Variants in METTL25 observed in about 807,000 individuals in gnomAD.
The protein encoded by METTL25 is methyltransferase like 25, also known as probable methyltransferase-like protein 25.
Under a neutral mutation model 71.6 loss-of-function variants are expected in METTL25, and 64 were observed. That is an observed-to-expected ratio of 0.89 (90% CI 0.73 to 1.10). The LOEUF (loss-of-function observed/expected upper bound fraction) is 1.10, where lower values mean the gene tolerates loss of function less well. METTL25 is among the 50% of genes least tolerant of loss of function. METTL25 has a pLI of 0.00. For synonymous variants in METTL25, 287 were observed against 250.3 expected (o/e 1.15, Z -1.38); for missense variants, 807 against 707.0 (o/e 1.14, Z -1.60).
At chr12:82,372,274 C>T (rs560143556) in intron 1 of METTL25, among the ~76,000 whole-genome samples, 1 of 152,232 alleles carries the variant, frequency 6.6e-6, no homozygotes, top group East Asian at 1.9e-4. Context: ...GCCAAATTCC[C>T]TTCCCCCTAC....
intron 1 of METTL25, among the ~76,000 whole-genome samples, chr12:82,360,567 G>A (rs772363884): frequency 1.3e-5 from 2 of 151,888 alleles, no homozygotes; most frequent in Admixed American, 6.6e-5. Flanking sequence ...ACCTCACTGA[G>A]GTGACTCTAA....
intron 5 of METTL25, among the ~76,000 whole-genome samples, chr12:82,430,480 T>C (rs557716762): frequency 1.1e-4 from 16 of 151,798 alleles, no homozygotes; most frequent in African/African-American, 3.9e-4. Context: ...TAGGAATGAA[T>C]TTATATTGTC....
chr12:82,459,021 G>A (rs1592758197), intron 9 of METTL25, among the ~76,000 whole-genome samples: 1 of 152,102 alleles, frequency 6.6e-6, no homozygotes, highest in East Asian at 1.9e-4. Context: ...CTCACACCTT[G>A]CCATCATATC....
intron 5 of METTL25, among the ~76,000 whole-genome samples, chr12:82,420,882 G>A (rs1255451941): frequency 1.3e-5 from 2 of 151,844 alleles, no homozygotes; most frequent in Non-Finnish European, 1.5e-5. Flanking sequence ...TGGAGGTGGA[G>A]TCTCGTTCTG....
chr12:82,381,523 A>G (rs1468876515), intron 1 of METTL25, among the ~76,000 whole-genome samples: 1 of 152,240 alleles, frequency 6.6e-6, no homozygotes, highest in African/African-American at 2.4e-5. Context: ...AGCTTAGGCA[A>G]AATGTTTTCT....
chr12:82,388,325 C>A (rs1000596284), intron 2 of METTL25, among the ~76,000 whole-genome samples: 2 of 151,994 alleles, frequency 1.3e-5, no homozygotes, highest in Admixed American at 1.3e-4. Context: ...TTTTTTAAAT[C>A]TCTCTAACCA....
rs546014926 is a variant in METTL25 at position 82,436,642 on chromosome 12, C to T, written c.1404+1918C>T. 5.3e-5 allele frequency among the ~76,000 whole-genome samples: 8 copies of T among 151,610 alleles called. No homozygotes were observed. The South Asian group carries it at 1.5e-3, about 28-fold the overall frequency. On this transcript the variant is annotated intron_variant, in intron 7 of 11. Transcript: ENST00000248306. Reference sequence around the variant, plus strand: ...TTCTGTTCTGCTGTATTTTTCTGTGCATTCATTTTTTTATGTTATCTTGTT... The same window carrying T: ...TTCTGTTCTGCTGTATTTTTCTGTGTATTCATTTTTTTATGTTATCTTGTT...
Position 82,438,725 on chromosome 12 carries a change from C to G in METTL25, c.1412C>G (p.Thr471Ser). ...TGTCTACATTTTTTTCAGCTGCCTA[C>G]TGAATCACTCTTCTATCGTGCTGTT... ...ERVAAGQGLP[T>S]ESLFYRAVLQ... Residue 471 changes from threonine to serine, a missense_variant, in exon 8 of 12, where the codon ACT becomes AGT. Thr to Ser is a moderately conservative substitution (Grantham distance 58, BLOSUM62 1). Transcript: ENST00000248306. The G allele has an allele frequency of 6.7e-7, 1 of 1,482,962 alleles. No individual in the cohort carries two copies. The highest frequency in any genetic ancestry group is 9.0e-7 in the Non-Finnish European group (1 of 1,110,312). The allele number at this position is 1,482,962 out of a possible 1,614,324, so 91.9% of individuals were successfully genotyped here. A position where few individuals can be genotyped will look rare whatever the true frequency, so the allele number is the denominator to read the frequency against.
rs190574062 is a variant in METTL25, at chr12:82,413,114, T to G, written c.1279+9984T>G. ...CTCTTTTGGCCTTCCTATAAATCAT[T>G]AGTATTTTGTCAAGAATCTGGAGAT... is the stretch of plus-strand genomic sequence containing the variant. On this transcript the variant is annotated intron_variant, in intron 5 of 11. Transcript: ENST00000248306. Among the ~76,000 whole-genome samples the G allele has an allele frequency of 3.9e-5, 6 of 152,178 alleles. No individual in the cohort carries two copies. The East Asian group carries it at 1.2e-3, about 29-fold the overall frequency.
At chr12:82,427,805 AT>A (rs11312540) in intron 5 of METTL25, among the ~76,000 whole-genome samples, 128,732 of 151,836 alleles carry the variant, frequency 0.85, 54,962 homozygotes, top group East Asian at 1. Context: ...TGATATACAG[AT>A]TTTGCTATAT....
rs376861908 is a variant in METTL25 at position 82,358,711 on chromosome 12, A to T, written c.146A>T (p.Glu49Val). The T allele has an allele frequency of 1.4e-5, 23 of 1,613,914 alleles. No individual in the cohort carries two copies. In the African/African-American group the frequency reaches 2.9e-4, roughly 21 times the overall value. Residue 49 changes from glutamate (E) to valine (V), a missense_variant, in exon 1 of 12, where the codon GAG becomes GTG. By Grantham distance (121) the Glu-to-Val change is moderately radical (BLOSUM62 -2). Coordinates refer to ENST00000248306, the MANE Select transcript of METTL25 (RefSeq NM_032230.3). Reference sequence around the variant, plus strand: ...TTCTACACAGAATCCGTGTGGGAGGAGCTGGTCGACTTGCCACCGGAGACA... The same window carrying T: ...TTCTACACAGAATCCGTGTGGGAGGTGCTGGTCGACTTGCCACCGGAGACA... ...VDFYTESVWE[E>V]LVDLPPETVL...
At chr12:82,414,073 T>G (rs577417224) in intron 5 of METTL25, among the ~76,000 whole-genome samples, 88 of 152,210 alleles carry the variant, frequency 5.8e-4, no homozygotes, top group Non-Finnish European at 1.0e-3. Flanking sequence ...TCAGGATCTA[T>G]CTCGGCTTGA....
At chr12:82,435,081 A>G (rs946957941) in intron 7 of METTL25, among the ~76,000 whole-genome samples, 3 of 151,476 alleles carry the variant, frequency 2.0e-5, no homozygotes, top group African/African-American at 7.3e-5. Context: ...CTATAGTCCA[A>G]AACACATACT....
chr12:82,430,268 G>A (rs1262101558), intron 5 of METTL25, among the ~76,000 whole-genome samples: 7 of 150,884 alleles, frequency 4.6e-5, no homozygotes, highest in Non-Finnish European at 8.9e-5. Context: ...GTAACTATAA[G>A]TTGAGCAGTA....
chr12:82,364,891 C>A (rs2136812520), intron 1 of METTL25, among the ~76,000 whole-genome samples: 1 of 152,252 alleles, frequency 6.6e-6, no homozygotes, highest in African/African-American at 2.4e-5. Flanking sequence ...TTGTCTGTAT[C>A]TGCAACTAAA....
At chr12:82,397,410 C>G (rs768632377) in intron 3 of METTL25, among the ~76,000 whole-genome samples, 74 of 152,028 alleles carry the variant, frequency 4.9e-4, no homozygotes, top group Middle Eastern at 3.4e-3. Context: ...GCAAGTATTT[C>G]TTTTCATTTT....
chr12:82,467,158 A>T (rs1015053410), intron 9 of METTL25, among the ~76,000 whole-genome samples: 2 of 151,652 alleles, frequency 1.3e-5, no homozygotes, highest in Non-Finnish European at 2.9e-5. Flanking sequence ...CTGCCAGTTC[A>T]TATGTTTAAA....
At position 82,476,716 on chromosome 12, in the gene METTL25, A is replaced by T. The variant is rs1029690558; in HGVS notation, c.1645A>T (p.Met549Leu). Residue 549 changes from methionine to leucine, a missense_variant and splice_region_variant, in exon 10 of 12, where the codon ATG becomes TTG. Coordinates refer to ENST00000248306, the MANE Select transcript of METTL25 (RefSeq NM_032230.3). ...PRMNELEAFN[M>L]LKVVLAPCIE... ...AATGAATGAGCTGGAAGCTTTTAAT[A>T]TGGTAAATCTCAGAGTTAAGCATAT... 1.9e-6 allele frequency: 3 copies of T among 1,579,520 alleles called. No individual in the cohort carries two copies. In the Admixed American group the frequency reaches 5.3e-5, roughly 28 times the overall value.
At chr12:82,406,028 T>C (rs909510979) in intron 5 of METTL25, among the ~76,000 whole-genome samples, 3 of 152,190 alleles carry the variant, frequency 2.0e-5, no homozygotes, top group African/African-American at 4.8e-5. Context: ...GTTGGTACTT[T>C]ATGTAAAATA....
Sources: gnomAD v4.1 joint callset for allele counts (sites outside exome capture counted in the v4.1 genomes callset) on GRCh38, gnomAD v4.1.1 for gene constraint, MANE v1.5 for transcripts, NCBI Gene and HGNC (gene_info 2026-07-23, HGNC 2026-07-21) for gene names.